SNX13: variants seen among roughly 807,000 people sequenced by gnomAD.
SNX13 encodes the protein sorting nexin-13.
SNX13 carries 45 observed loss-of-function variants against 133.6 expected under a neutral mutation model. The observed-to-expected ratio is 0.34, with a 90% CI of 0.27 to 0.43. The LOEUF (loss-of-function observed/expected upper bound fraction) is 0.43. Ranked by LOEUF, SNX13 falls within the 20% of genes least tolerant of loss-of-function variation. SNX13 has a pLI of 1.00. For synonymous variants in SNX13, 414 were observed against 373.9 expected, an observed-to-expected ratio of 1.11 and a Z score of -1.24; for missense variants, 1,032 against 1,145.1, an observed-to-expected ratio of 0.90 and a Z score of 1.43.
chr7:17,910,853 A>G (rs1045066343), intron 1 of SNX13, among the ~76,000 whole-genome samples: 1 of 152,218 alleles, frequency 6.6e-6, no homozygotes, highest in East Asian at 1.9e-4. Flanking sequence ...ATAAATCCAT[A>G]GTAACAGAAC....
intron 5 of SNX13, among the ~76,000 whole-genome samples, chr7:17,883,998 G>C (rs1367441050): frequency 6.6e-6 from 1 of 152,142 alleles, no homozygotes; most frequent in Non-Finnish European, 1.5e-5. Context: ...GAATTTACTA[G>C]CTGTGACAGA....
At chr7:17,937,435 A>G (rs1802231595) in intron 1 of SNX13, among the ~76,000 whole-genome samples, 3 of 150,424 alleles carry the variant, frequency 2.0e-5, no homozygotes, top group African/African-American at 7.4e-5. Context: ...AATAGTTTGA[A>G]CCTGGAAGGC....
intron 2 of SNX13, among the ~76,000 whole-genome samples, chr7:17,894,094 G>T (rs1037971588): frequency 6.6e-6 from 1 of 151,578 alleles, no homozygotes; most frequent in Non-Finnish European, 1.5e-5. Context: ...TCTGAGGTCA[G>T]GAGATCGAGA....
chr7:17,845,543 T>C (rs1790414732), intron 12 of SNX13, 52 bp downstream of exon 12: 2 of 1,179,258 alleles, frequency 1.7e-6, no homozygotes, highest in Admixed American at 2.7e-5. Flanking sequence ...CAATAAAAAA[T>C]CGAAAAAGAA....
chr7:17,819,500 T>C (rs1447781608), intron 18 of SNX13, among the ~76,000 whole-genome samples: 2 of 152,194 alleles, frequency 1.3e-5, no homozygotes, highest in Admixed American at 1.3e-4. Flanking sequence ...GTGCTGGAAT[T>C]ACAGGCGTGA....
At chr7:17,880,323 C>G (rs1795196469) in intron 5 of SNX13, 4 of 152,296 alleles carry the variant, frequency 2.6e-5, no homozygotes, top group African/African-American at 9.6e-5. Context: ...GCGAGTAATT[C>G]CAAAGCAAGT....
intron 20 of SNX13, among the ~76,000 whole-genome samples, chr7:17,807,806 G>A (rs1259136351): frequency 6.8e-6 from 1 of 147,944 alleles, no homozygotes; most frequent in African/African-American, 2.6e-5. Context: ...AGCCTCTGCT[G>A]GTGATACTCG....
chr7:17,852,820 C>T (rs1360429097), intron 9 of SNX13, among the ~76,000 whole-genome samples: 1 of 152,124 alleles, frequency 6.6e-6, no homozygotes, highest in African/African-American at 2.4e-5. Flanking sequence ...GGTTACAATG[C>T]TCACATAAAG....
At chr7:17,937,754 TCTC>T (rs1345931855) in intron 1 of SNX13, among the ~76,000 whole-genome samples, 5 of 152,158 alleles carry the variant, frequency 3.3e-5, no homozygotes, top group Non-Finnish European at 7.4e-5. Flanking sequence ...ATGATTTCTG[TCTC>T]CTCCATTCTT....
Position 17,803,694 on chromosome 7 carries a change from T to C in SNX13, c.2065-114A>G, listed in dbSNP as rs1784878871. 2.3e-5 allele frequency: 21 copies of C among 923,768 alleles called. No individual in the cohort carries two copies. In the South Asian group the frequency reaches 3.9e-4, roughly 17 times the overall value. 57.2% of individuals were successfully genotyped at this position (923,768 alleles called of 1,614,324 possible). A position where few individuals can be genotyped will look rare whatever the true frequency, so the allele number is the denominator to read the frequency against. On this transcript the variant is annotated intron_variant, in intron 20 of 25. Transcript: ENST00000428135. ...CTGGAAAGATGCAGTAATTTTCTGG[T>C]CTATATTATGTCGTTACATTTTAAA... is the stretch of plus-strand genomic sequence containing the variant.
chr7:17,840,058 T>C lies in SNX13; in HGVS notation c.1166-58A>G, dbSNP rs555736246. ...TTAGTGTCACACAATTTGGGGTCCA[T>C]GTAGTTTTATGACAAGTAAAGAAGG... On this transcript the variant is annotated intron_variant, in intron 12 of 25. Coordinates refer to ENST00000428135, the MANE Select transcript of SNX13 (RefSeq NM_015132.5). 10 of 1,414,078 alleles carry C rather than the reference T, an allele frequency of 7.1e-6. No homozygotes were observed. In the South Asian group the frequency reaches 8.3e-5, roughly 12 times the overall value. 87.6% of individuals were successfully genotyped at this position (1,414,078 alleles called of 1,614,324 possible).
intron 1 of SNX13, among the ~76,000 whole-genome samples, chr7:17,911,301 C>G (rs2691563): frequency 0.44 from 67,083 of 151,934 alleles, 15,225 homozygotes; most frequent in South Asian, 0.66. Flanking sequence ...TGAAGTAGTA[C>G]TTAACGTTCT....
Position 17,937,445 on chromosome 7 carries a change from C to T in SNX13, c.12+2839G>A, listed in dbSNP as rs140714157. ...ACGAGAATAGTTTGAACCTGGAAGG[C>T]GGAGGTTGCAGTGAGCCAAGATCGC... On this transcript the variant is annotated intron_variant, in intron 1 of 25. Coordinates refer to ENST00000428135, the MANE Select transcript of SNX13 (RefSeq NM_015132.5). Among the ~76,000 whole-genome samples, 73 of 140,444 alleles carry T rather than the reference C, an allele frequency of 5.2e-4. No individual in the cohort carries two copies. In the Middle Eastern group the frequency reaches 0.012, roughly 23 times the overall value. The allele number at this position is 140,444 out of a possible 152,430, so 92.1% of individuals were successfully genotyped here. A position where few individuals can be genotyped will look rare whatever the true frequency, so the allele number is the denominator to read the frequency against.
chr7:17,871,702 G>A (rs1794138409), intron 8 of SNX13, among the ~76,000 whole-genome samples: 1 of 152,108 alleles, frequency 6.6e-6, no homozygotes, highest in Non-Finnish European at 1.5e-5. Context: ...CTGCTCCTTG[G>A]CTATAAATCC....
At chr7:17,911,289 T>C (rs1798950601) in intron 1 of SNX13, among the ~76,000 whole-genome samples, 1 of 152,150 alleles carries the variant, frequency 6.6e-6, no homozygotes. Flanking sequence ...AAAAACAAAG[T>C]GTGAAGTAGT....
intron 12 of SNX13, among the ~76,000 whole-genome samples, chr7:17,842,392 G>A (rs1790004813): frequency 6.6e-6 from 1 of 151,936 alleles, no homozygotes. Context: ...GAGAAGTAAG[G>A]ATTCCCAGAT....
At chr7:17,831,081 G>A in intron 15 of SNX13, 2 of 984,302 alleles carry the variant, frequency 2.0e-6, no homozygotes, top group South Asian at 4.7e-5. Flanking sequence ...TACCTCTTCT[G>A]TAGTGTGCCC....
At chr7:17,795,474 C>T (rs1239257016) in intron 25 of SNX13, 4 of 151,652 alleles carry the variant, frequency 2.6e-5, no homozygotes, top group Non-Finnish European at 5.9e-5. Context: ...GATCTTCACA[C>T]CACCATCATC....
At chr7:17,827,022 T>C (rs970346570) in intron 16 of SNX13, among the ~76,000 whole-genome samples, 3 of 152,104 alleles carry the variant, frequency 2.0e-5, no homozygotes, top group Admixed American at 6.6e-5. Context: ...TAAGAAATGT[T>C]TATGCTGAAC....
Sources: allele counts gnomAD v4.1 joint callset (sites outside exome capture counted in the v4.1 genomes callset), GRCh38; gene constraint gnomAD v4.1.1; transcripts MANE v1.5; gene names NCBI Gene and HGNC (gene_info 2026-07-23, HGNC 2026-07-21).